The following UMAD1 variants were observed in gnomAD, a reference collection of about 807,000 sequenced individuals.
The protein encoded by UMAD1 is UBAP1-MVB12-associated (UMA)-domain containing protein 1.
A neutral mutation model predicts 6.1 loss-of-function variants in UMAD1; 8 were observed. That is an observed-to-expected ratio of 1.30 (90% CI 0.76 to 2.35). UMAD1 has a LOEUF of 2.35. UMAD1 is among the 30% of genes most tolerant of loss of function. UMAD1 has a pLI of 0.00. For missense variants in UMAD1, 130 were observed against 78.4 expected (o/e 1.66, Z -2.49); for synonymous variants, 56 against 31.4 (o/e 1.78, Z -2.61).
intron 2 of UMAD1, among the ~76,000 whole-genome samples, chr7:7,688,554 A>T (rs1173897205): frequency 6.6e-6 from 1 of 152,104 alleles, no homozygotes; most frequent in Non-Finnish European, 1.5e-5. Context: ...CAGTGTCAAG[A>T]TCTCAGATGA....
chr7:7,718,073 C>A (rs1425312166), intron 2 of UMAD1, among the ~76,000 whole-genome samples: 1 of 152,084 alleles, frequency 6.6e-6, no homozygotes, highest in African/African-American at 2.4e-5. Flanking sequence ...TGTGATATAC[C>A]ATTCACTTAT....
intron 3 of UMAD1, among the ~76,000 whole-genome samples, chr7:7,848,559 A>G (rs762846985): frequency 1.1e-4 from 17 of 152,294 alleles, no homozygotes; most frequent in Non-Finnish European, 1.3e-4. Context: ...AATAGAGGAT[A>G]TGCCAAATCA....
At chr7:7,783,426 C>T (rs866588484) in intron 2 of UMAD1, among the ~76,000 whole-genome samples, 2 of 150,098 alleles carry the variant, frequency 1.3e-5, no homozygotes, top group African/African-American at 4.9e-5. Flanking sequence ...AAGAGAAATT[C>T]AGATGCTGCA....
intron 2 of UMAD1, among the ~76,000 whole-genome samples, chr7:7,745,918 G>A (rs114284160): frequency 0.012 from 1,848 of 151,932 alleles, 41 homozygotes; most frequent in African/African-American, 0.043. Context: ...AGTCTGTCTG[G>A]GACCGAGACT....
intron 2 of UMAD1, chr7:7,736,672 A>G (rs1272977814): frequency 1.3e-5 from 2 of 150,588 alleles, no homozygotes; most frequent in Non-Finnish European, 3.0e-5. Context: ...TCTTTTCTTT[A>G]AGAAAGAATT....
chr7:7,730,923 AGTT>A (rs1390292108), intron 2 of UMAD1, among the ~76,000 whole-genome samples: 3 of 152,186 alleles, frequency 2.0e-5, no homozygotes, highest in Admixed American at 2.0e-4. Context: ...ATTACACTAA[AGTT>A]GTTGAACTTT....
At chr7:7,695,410 T>C (rs1268780425) in intron 2 of UMAD1, among the ~76,000 whole-genome samples, 1 of 152,212 alleles carries the variant, frequency 6.6e-6, no homozygotes, top group Non-Finnish European at 1.5e-5. Flanking sequence ...TAACCTTGTC[T>C]TTCTGTCTTT....
intron 1 of UMAD1, among the ~76,000 whole-genome samples, chr7:7,652,077 A>G (rs755219029): frequency 2.6e-5 from 4 of 152,196 alleles, no homozygotes; most frequent in Non-Finnish European, 2.9e-5. Flanking sequence ...GTCTCCATGC[A>G]GTGGGATGTC....
chr7:7,733,228 A>G (rs1309330726), intron 2 of UMAD1, among the ~76,000 whole-genome samples: 4 of 152,148 alleles, frequency 2.6e-5, no homozygotes, highest in African/African-American at 9.7e-5. Context: ...CTGAATGCCA[A>G]TTTAAACCTC....
chr7:7,867,504 C>A (rs1583884049), intron 3 of UMAD1, among the ~76,000 whole-genome samples: 1 of 152,074 alleles, frequency 6.6e-6, no homozygotes, highest in African/African-American at 2.4e-5. Context: ...TGTACCGAAG[C>A]CAAGAACTAA....
At chr7:7,659,145 G>T (rs1162928878) in intron 1 of UMAD1, among the ~76,000 whole-genome samples, 5 of 152,178 alleles carry the variant, frequency 3.3e-5, no homozygotes, top group Middle Eastern at 3.4e-3. Context: ...GGGATCAATG[G>T]TGATATCCCC....
At chr7:7,662,862 G>T (rs1013199298) in intron 1 of UMAD1, among the ~76,000 whole-genome samples, 1 of 152,138 alleles carries the variant, frequency 6.6e-6, no homozygotes, top group Non-Finnish European at 1.5e-5. Flanking sequence ...TTAAAAGAAA[G>T]ATATAATGAT....
rs1006980268 is a variant in UMAD1, at chr7:7,878,820, AAGTT to A, written c.*1285_*1288del. On this transcript the variant is annotated 3_prime_UTR_variant, in exon 4 of 4. Transcript: ENST00000682710. ...TTAATACAAATGCTATGTTATTTAA[AAGTT>A]AGAGGAACATTTCTATTGACAAAAA... 10 of 152,328 alleles carry A rather than the reference AAGTT, an allele frequency of 6.6e-5. No homozygotes were observed. The highest frequency in any genetic ancestry group is 2.4e-4 in the African/African-American group (10 of 41,586). The allele number at this position is 152,328 out of a possible 1,614,324, so 9.4% of individuals were successfully genotyped here.
chr7:7,761,216 A>C (rs181530204), intron 2 of UMAD1, among the ~76,000 whole-genome samples: 1 of 152,022 alleles, frequency 6.6e-6, no homozygotes, highest in Non-Finnish European at 1.5e-5. Context: ...TATACAAAAA[A>C]TTAGCCAATA....
chr7:7,664,054 A>G (rs1779369002), intron 1 of UMAD1, among the ~76,000 whole-genome samples: 1 of 152,198 alleles, frequency 6.6e-6, no homozygotes, highest in Non-Finnish European at 1.5e-5. Flanking sequence ...GAGGATTTCT[A>G]CCATCTGCAC....
At chr7:7,780,318 C>T (rs972951196) in intron 2 of UMAD1, among the ~76,000 whole-genome samples, 3 of 152,204 alleles carry the variant, frequency 2.0e-5, no homozygotes, top group South Asian at 4.1e-4. Context: ...CCAACTACCC[C>T]CACAGACTGT....
chr7:7,800,598 C>A (rs1782780093), intron 2 of UMAD1, among the ~76,000 whole-genome samples: 1 of 152,150 alleles, frequency 6.6e-6, no homozygotes, highest in Non-Finnish European at 1.5e-5. Context: ...CTCTCCCACC[C>A]TTTCCCCTGA....
At chr7:7,855,072 C>T (rs1244160340) in intron 3 of UMAD1, among the ~76,000 whole-genome samples, 2 of 152,236 alleles carry the variant, frequency 1.3e-5, no homozygotes, top group African/African-American at 2.4e-5. Context: ...AAGGTGGGCT[C>T]CTGAGGCCTT....
intron 1 of UMAD1, among the ~76,000 whole-genome samples, chr7:7,671,341 T>G (rs1779600830): frequency 1.3e-5 from 2 of 152,180 alleles, no homozygotes; most frequent in Admixed American, 6.5e-5. Flanking sequence ...CCACAAGGCT[T>G]CAGTTGGAGA....
Sources: gnomAD v4.1 joint callset for allele counts (sites outside exome capture counted in the v4.1 genomes callset) on GRCh38, gnomAD v4.1.1 for gene constraint, MANE v1.5 for transcripts, NCBI Gene and HGNC (gene_info 2026-07-23, HGNC 2026-07-21) for gene names.